The following WDR62 variants were observed in gnomAD, a reference collection of about 807,000 sequenced individuals.
WDR62 encodes WD repeat domain 62.
Under a neutral mutation model 160.6 loss-of-function variants are expected in WDR62, and 112 were observed. The ratio of observed to expected loss-of-function variants is 0.70; its 90% CI spans 0.60 to 0.82. WDR62 has a LOEUF of 0.82. Among genes scored for constraint, WDR62 ranks in the 40% least tolerant of loss-of-function variants. The pLI is 0.00. For missense variants in WDR62, 1,819 were observed against 1,983.8 expected (o/e 0.92, Z 1.58); for synonymous variants, 792 against 815.1 (o/e 0.97, Z 0.48).
chr19:36,084,865 C>T (rs1972116590), intron 12 of WDR62, 121 bp downstream of exon 12: 3 of 899,352 alleles, frequency 3.3e-6, no homozygotes, highest in South Asian at 1.4e-5. Context: ...GTTTTGTGTT[C>T]GGTAAGGGCC....
chr19:36,076,197 G>C (rs909678290), intron 9 of WDR62, among the ~76,000 whole-genome samples: 1 of 151,906 alleles, frequency 6.6e-6, no homozygotes, highest in Non-Finnish European at 1.5e-5. Flanking sequence ...ATGCCAATAT[G>C]TTCCAGTCTC....
chr19:36,098,731 T>C (rs912410041), intron 21 of WDR62, among the ~76,000 whole-genome samples: 38 of 152,170 alleles, frequency 2.5e-4, no homozygotes, highest in African/African-American at 9.2e-4. Flanking sequence ...GTTGTCAGCA[T>C]GTTAACTTTG....
intron 8 of WDR62, 79 bp from the exon 9 acceptor site, chr19:36,073,263 G>A (rs1051496184): frequency 7.3e-6 from 10 of 1,365,536 alleles, no homozygotes; most frequent in Non-Finnish European, 1.0e-5. Flanking sequence ...TGCCGGGGAG[G>A]CATCTCCACT....
rs1970640387 is a variant in WDR62 at position 36,061,427 on chromosome 19, T to C, written c.332+1397T>C. 4 of 152,258 alleles carry C rather than the reference T, an allele frequency of 2.6e-5. No individual in the cohort carries two copies. The South Asian group carries it at 8.3e-4, about 31-fold the overall frequency. 9.4% of individuals were successfully genotyped at this position (152,258 alleles called of 1,614,324 possible). A position where few individuals can be genotyped will look rare whatever the true frequency, so the allele number is the denominator to read the frequency against. ...CACACTTGCCCAATATAGTATGTTT[T>C]AAAGGTTGGATAAGTGGACAACATT... On this transcript the variant is annotated intron_variant, in intron 3 of 31. Coordinates refer to ENST00000401500, the MANE Select transcript of WDR62 (RefSeq NM_001083961.2).
chr19:36,059,871 G>A (rs1384485196), intron 2 of WDR62, 97 bp from the exon 3 acceptor site: 2 of 1,298,452 alleles, frequency 1.5e-6, no homozygotes, highest in Non-Finnish European at 2.2e-6. Context: ...AGAACCGAGG[G>A]AGCTTGTTTA....
chr19:36,091,281 G>A lies in WDR62; in HGVS notation c.2116G>A (p.Glu706Lys), dbSNP rs753736805. 1 of 1,613,966 alleles carries A rather than the reference G, an allele frequency of 6.2e-7. No individual in the cohort carries two copies. The highest frequency in any genetic ancestry group is 1.1e-5 in the South Asian group (1 of 91,064). ...CTCAGTGATTGACTTTTACTCGGGC[G>A]AGTGCATTGCCAAGATGTTTGGCCA... ...SISVIDFYSG[E>K]CIAKMFGHSE... is the part of the protein sequence containing the mutation. The change falls in exon 17 of 32, where the codon GAG becomes AAG. Residue 706 changes from glutamate to lysine, a missense_variant. This residue lies in a region of WDR62 where 934 missense variants were observed against 1,157.2 expected (regional missense o/e 0.81). Coordinates refer to ENST00000401500, the MANE Select transcript of WDR62 (RefSeq NM_001083961.2).
In WDR62 at chr19:36,090,437, T is replaced by A; in HGVS notation, c.1959-8T>A. The A allele has an allele frequency of 6.2e-7, 1 of 1,614,000 alleles. No homozygotes were observed. The highest frequency in any genetic ancestry group is 8.5e-7 in the Non-Finnish European group (1 of 1,179,914). ...CCTGTTGGCCGCAACATGCCCCTAC[T>A]TCCCCAGAGTCTACAACACTGTGAA... is the stretch of plus-strand genomic sequence containing the variant. On this transcript the variant is annotated splice_region_variant and splice_polypyrimidine_tract_variant and intron_variant, in intron 15 of 31. Coordinates refer to ENST00000401500, the MANE Select transcript of WDR62 (RefSeq NM_001083961.2).
chr19:36,103,379 C>T lies in WDR62; in HGVS notation c.3551C>T (p.Ala1184Val). Residue 1184 changes from alanine (A) to valine (V), a missense_variant, in exon 30 of 32, where the codon GCT becomes GTT. Ala to Val is a moderately conservative substitution (Grantham distance 64, BLOSUM62 0). Transcript: ENST00000401500. ...ACGAGCCTGGCGTCCTGTGTCCCTG[C>T]TTCCTCCGTGCTGCCCACAGACAGG... The part of the protein sequence containing the change: ...CLTSLASCVP[A>V]SSVLPTDRNL... 1 of 1,614,024 alleles carries T rather than the reference C, an allele frequency of 6.2e-7. No individual in the cohort carries two copies. The highest frequency in any genetic ancestry group is 8.5e-7 in the Non-Finnish European group (1 of 1,179,992).
chr19:36,088,822 C>T (rs1026421369), intron 13 of WDR62, among the ~76,000 whole-genome samples: 2 of 152,244 alleles, frequency 1.3e-5, no homozygotes, highest in South Asian at 2.1e-4. Flanking sequence ...CCTTGCTCTG[C>T]AGAGCCTGCC....
At chr19:36,072,726 G>A (rs1971363709) in intron 8 of WDR62, among the ~76,000 whole-genome samples, 2 of 152,182 alleles carry the variant, frequency 1.3e-5, no homozygotes, top group Admixed American at 1.3e-4. Flanking sequence ...GCAGTGTTGT[G>A]TTGTAGTAGT....
At chr19:36,100,946 G>C (rs192575360) in intron 23 of WDR62, 71 bp downstream of exon 23, 2 of 1,609,822 alleles carry the variant, frequency 1.2e-6, no homozygotes, top group Admixed American at 3.3e-5. Context: ...CCTGGAAGAA[G>C]TGCTCTCTGC....
At chr19:36,094,282 G>A (rs776038976) in intron 20 of WDR62, 118 bp downstream of exon 20, 138 of 1,324,970 alleles carry the variant, frequency 1.0e-4, no homozygotes, top group East Asian at 3.8e-4. Flanking sequence ...GACAGGGTGC[G>A]GTGGCTGATA....
chr19:36,108,792 T>C (rs1372796727), downstream of WDR62, among the ~76,000 whole-genome samples: 1 of 148,554 alleles, frequency 6.7e-6, no homozygotes, highest in Non-Finnish European at 1.5e-5. Flanking sequence ...AGCTTGAGGC[T>C]ACAGTGAGCT....
rs962067672 is a variant in WDR62 at position 36,091,055 on chromosome 19, C to A, written c.2035-145C>A. On this transcript the variant is annotated intron_variant, in intron 16 of 31. Transcript: ENST00000401500. ...TTACTGCTGCGGTGGTTGTTAATTT[C>A]TTCACGTGTCGAATGGGAGCGGGAG... 4.2e-6 allele frequency: 3 copies of A among 718,642 alleles called. No individual in the cohort carries two copies. The African/African-American group carries it at 5.2e-5, about 13-fold the overall frequency. The allele number at this position is 718,642 out of a possible 1,614,324, so 44.5% of individuals were successfully genotyped here.
chr19:36,100,354 A>G (rs938196628), intron 22 of WDR62, among the ~76,000 whole-genome samples: 5 of 152,300 alleles, frequency 3.3e-5, no homozygotes, highest in South Asian at 2.1e-4. Flanking sequence ...TTGATGAACT[A>G]TCTGTGTAAT....
chr19:36,103,708 C>T lies in WDR62; in HGVS notation c.3880C>T (p.Arg1294Trp), dbSNP rs770323546. Residue 1294 changes from arginine to tryptophan, a missense_variant, in exon 30 of 32, where the codon CGG becomes TGG. Around this residue, in one of 3 missense-constraint regions of WDR62, gnomAD observed 770 missense variants for 734.2 expected, o/e 1.05. Coordinates refer to ENST00000401500, the MANE Select transcript of WDR62 (RefSeq NM_001083961.2). ...GCGTTCCTGGGGCAACCACGAGGCC[C>T]GGGCCAACCTGAGACTGACCCTGTC... ...ALRSWGNHEA[R>W]ANLRLTLSSA... The T allele has an allele frequency of 9.3e-6, 15 of 1,610,656 alleles. No homozygotes were observed. Among genetic ancestry groups the T allele is most frequent in the Admixed American group, 6.7e-5 (4 of 60,008 alleles).
chr19:36,083,269 T>C (rs1568347449), intron 11 of WDR62, 28 bp downstream of exon 11: 5 of 1,572,470 alleles, frequency 3.2e-6, no homozygotes, highest in Non-Finnish European at 3.5e-6. Flanking sequence ...GTGTCCAGTG[T>C]ACACCTCCCA....
At chr19:36,092,555 T>G in intron 18 of WDR62, 134 bp from the exon 19 acceptor site, 9 of 1,239,084 alleles carry the variant, frequency 7.3e-6, no homozygotes, top group Middle Eastern at 2.5e-4. Context: ...ACTAAGCGGA[T>G]AGGGGTGTGT....
chr19:36,086,212 C>A (rs1329147969), intron 12 of WDR62, among the ~76,000 whole-genome samples: 1 of 152,122 alleles, frequency 6.6e-6, no homozygotes, highest in Non-Finnish European at 1.5e-5. Context: ...AGGCCTCAGA[C>A]ATAGCAAGTG....
Sources: gnomAD v4.1 joint callset for allele counts (sites outside exome capture counted in the v4.1 genomes callset) on GRCh38, gnomAD v4.1.1 for gene constraint, gnomAD v4.1.1 regional missense constraint, MANE v1.5 for transcripts, NCBI Gene and HGNC (gene_info 2026-07-23, HGNC 2026-07-21) for gene names.